Variants in STK31 observed in about 807,000 individuals in gnomAD.
The protein encoded by STK31 is serine/threonine kinase 31.
STK31 carries 89 observed loss-of-function variants against 129.7 expected under a neutral mutation model. The observed-to-expected ratio is 0.69, with a 90% CI of 0.58 to 0.82. STK31 has a LOEUF of 0.82. STK31 is among the 40% of genes least tolerant of loss of function. The pLI, the probability that STK31 is intolerant of heterozygous loss-of-function variation, is 0.00. For missense variants in STK31, 1,187 were observed against 1,176.4 expected (o/e 1.01, Z -0.13); for synonymous variants, 448 against 395.3 (o/e 1.13, Z -1.58).
intron 23 of STK31, among the ~76,000 whole-genome samples, chr7:23,820,952 G>T (rs1321589729): frequency 6.6e-6 from 1 of 152,134 alleles, no homozygotes; most frequent in African/African-American, 2.4e-5. Flanking sequence ...GGACGCTTAG[G>T]TTGGAGTCCT....
intron 8 of STK31, among the ~76,000 whole-genome samples, chr7:23,738,679 C>A (rs1469705277): frequency 1.3e-5 from 2 of 152,140 alleles, no homozygotes; most frequent in African/African-American, 4.8e-5. Context: ...GCCTCAGCCT[C>A]CTGATAGCTG....
At chr7:23,710,902 T>C (rs1272199659) in intron 1 of STK31, 1 of 661,732 alleles carries the variant, frequency 1.5e-6, no homozygotes, top group East Asian at 1.4e-4. Context: ...ATATATAGTC[T>C]CCCTAAAAGT....
intron 8 of STK31, among the ~76,000 whole-genome samples, chr7:23,749,654 T>C (rs898573428): frequency 6.6e-6 from 1 of 152,106 alleles, no homozygotes; most frequent in African/African-American, 2.4e-5. Flanking sequence ...TGCCTAGCTG[T>C]AATTTTTTCT....
At chr7:23,792,811 C>T (rs1029035798) in intron 22 of STK31, among the ~76,000 whole-genome samples, 13 of 152,100 alleles carry the variant, frequency 8.5e-5, no homozygotes, top group Non-Finnish European at 1.8e-4. Flanking sequence ...TGCTTAATGC[C>T]AGGAGTTGAA....
rs77994848 is a variant in STK31 at position 23,805,881 on chromosome 7, T to G, written c.2761-9263T>G. On this transcript the variant is annotated intron_variant, in intron 22 of 23. Transcript: ENST00000355870. Reference sequence around the variant, plus strand: ...CACATAGAACATGTTTGGAACTAACTGCTTTAGAAAGTTTTATCTCATTAC... The same window carrying G: ...CACATAGAACATGTTTGGAACTAACGGCTTTAGAAAGTTTTATCTCATTAC... Among the ~76,000 whole-genome samples, 1,102 of 152,352 alleles carry G rather than the reference T, an allele frequency of 7.2e-3. 14 individuals are homozygous for G. The highest frequency in any genetic ancestry group is 0.026 in the African/African-American group (1,066 of 41,566).
intron 23 of STK31, among the ~76,000 whole-genome samples, chr7:23,824,831 C>G (rs1272239941): frequency 1.3e-5 from 2 of 151,372 alleles, no homozygotes; most frequent in Non-Finnish European, 2.9e-5. Flanking sequence ...TTGTCAAAGG[C>G]CTTTTCTGCA....
intron 22 of STK31, among the ~76,000 whole-genome samples, chr7:23,793,166 AAC>A (rs1229643766): frequency 6.6e-6 from 1 of 152,254 alleles, no homozygotes; most frequent in Non-Finnish European, 1.5e-5. Context: ...GAGAATCTTC[AAC>A]AAAAATGATA....
At chr7:23,801,152 G>A (rs923110151) in intron 22 of STK31, among the ~76,000 whole-genome samples, 11 of 152,168 alleles carry the variant, frequency 7.2e-5, no homozygotes, top group Non-Finnish European at 1.2e-4. Flanking sequence ...CAGAGTGGCT[G>A]TACTGTTTTT....
intron 8 of STK31, among the ~76,000 whole-genome samples, chr7:23,744,825 A>G (rs148575820): frequency 2.8e-4 from 42 of 152,174 alleles, no homozygotes; most frequent in African/African-American, 8.4e-4. Flanking sequence ...TCAGACCCCA[A>G]TGGTGGCAAT....
chr7:23,755,410 G>A (rs1789007409), intron 10 of STK31, among the ~76,000 whole-genome samples: 1 of 152,106 alleles, frequency 6.6e-6, no homozygotes, highest in African/African-American at 2.4e-5. Context: ...TGTCAGATGG[G>A]TAGATTGCAA....
intron 6 of STK31, among the ~76,000 whole-genome samples, chr7:23,729,801 C>T (rs1414778281): frequency 2.6e-5 from 4 of 152,002 alleles, no homozygotes; most frequent in South Asian, 2.1e-4. Context: ...TGAGCCACTG[C>T]GCCCAGCCAA....
intron 22 of STK31, among the ~76,000 whole-genome samples, chr7:23,797,284 C>T (rs545480269): frequency 1.3e-5 from 2 of 152,296 alleles, no homozygotes; most frequent in East Asian, 3.9e-4. Context: ...ACCTACAGAA[C>T]TCTCCACCCC....
intron 5 of STK31, chr7:23,727,736 A>G (rs1383062177): frequency 1.8e-5 from 3 of 170,734 alleles, no homozygotes; most frequent in African/African-American, 7.3e-5. Flanking sequence ...TAATTTTTGT[A>G]TTTTTAGTAG....
At position 23,737,008 on chromosome 7, in the gene STK31, A is replaced by G; in HGVS notation, c.947A>G (p.Glu316Gly). ...GAAGAAAATGAAAAACTTAAAACAGAGAAGGACGCTCTTCTTGAAAGTTAT... is the reference window on the plus strand; with the variant it reads ...GAAGAAAATGAAAAACTTAAAACAGGGAAGGACGCTCTTCTTGAAAGTTAT... Reference protein sequence around the residue: ...LIEENEKLKTEKDALLESYKA... With the variant: ...LIEENEKLKTGKDALLESYKA... The change falls in exon 8 of 24, where the codon GAG becomes GGG. Residue 316 changes from glutamate (E) to glycine (G), a missense_variant. By Grantham distance (98) the Glu-to-Gly change is moderately conservative (BLOSUM62 -2). This residue lies in a region of STK31 where 975 missense variants were observed against 934.9 expected (regional missense o/e 1.04). Coordinates refer to ENST00000355870, the MANE Select transcript of STK31 (RefSeq NM_031414.5). 6.2e-7 allele frequency: 1 copy of G among 1,613,422 alleles called. No individual in the cohort carries two copies. Among genetic ancestry groups the G allele is most frequent in the Non-Finnish European group, 8.5e-7 (1 of 1,179,870 alleles).
At chr7:23,790,744 A>G (rs1791565099) in intron 21 of STK31, 80 bp from the exon 22 acceptor site, 8 of 1,262,442 alleles carry the variant, frequency 6.3e-6, no homozygotes, top group Non-Finnish European at 8.3e-6. Context: ...TGTTTTTTGT[A>G]TTGATTAAAT....
At chr7:23,766,811 T>G (rs1789857955) in intron 11 of STK31, among the ~76,000 whole-genome samples, 1 of 152,224 alleles carries the variant, frequency 6.6e-6, no homozygotes, top group Non-Finnish European at 1.5e-5. Context: ...GATAGATATT[T>G]CAGCTTCTAT....
chr7:23,792,951 G>GT (rs1791733293), intron 22 of STK31, among the ~76,000 whole-genome samples: 1 of 152,220 alleles, frequency 6.6e-6, no homozygotes, highest in South Asian at 2.1e-4. Flanking sequence ...GAGTCCAGGA[G>GT]TTTAAGGCTA....
chr7:23,713,843 T>C (rs562332167), intron 3 of STK31, among the ~76,000 whole-genome samples: 1 of 151,998 alleles, frequency 6.6e-6, no homozygotes, highest in Non-Finnish European at 1.5e-5. Context: ...AGGAGTACAC[T>C]AAAATAAGAA....
At chr7:23,786,722 A>G in intron 19 of STK31, 89 bp downstream of exon 19, 1 of 1,552,210 alleles carries the variant, frequency 6.4e-7, no homozygotes, top group Non-Finnish European at 8.7e-7. Context: ...CAGGTTTTAG[A>G]GCAGCAGTTC....
Sources: allele counts gnomAD v4.1 joint callset (sites outside exome capture counted in the v4.1 genomes callset), GRCh38; gene constraint gnomAD v4.1.1; regional missense constraint gnomAD v4.1.1; transcripts MANE v1.5; gene names NCBI Gene and HGNC (gene_info 2026-07-23, HGNC 2026-07-21).